SLC2A11: variants seen among roughly 807,000 people sequenced by gnomAD.
SLC2A11 encodes the protein solute carrier family 2 member 11.
In SLC2A11, 43 loss-of-function variants were observed where a neutral mutation model predicts 52.1. The observed-to-expected ratio is 0.82, with a 90% CI of 0.65 to 1.06. The LOEUF (loss-of-function observed/expected upper bound fraction) is 1.06. Among genes scored for constraint, SLC2A11 ranks in the 50% least tolerant of loss-of-function variants. SLC2A11 has a pLI of 0.00. For missense variants in SLC2A11, 582 were observed against 654.2 expected, an observed-to-expected ratio of 0.89 and a Z score of 1.20; for synonymous variants, 261 against 277.6, an observed-to-expected ratio of 0.94 and a Z score of 0.59.
At position 23,857,884 on chromosome 22, in the gene SLC2A11, C is replaced by G; in HGVS notation, c.-116C>G. The G allele has an allele frequency of 6.4e-7, 1 of 1,555,172 alleles. No individual in the cohort carries two copies. ...GCGCGTGCGCTAGCGCCTCTTTCAC[C>G]ACTGGGCGCTGCGCGCTGCCCTTCC... On this transcript the variant is annotated 5_prime_UTR_variant, in exon 1 of 12. Coordinates refer to ENST00000316185, the MANE Select transcript of SLC2A11 (RefSeq NM_001024939.4).
intron 6 of SLC2A11, chr22:23,881,235 T>G (rs2032784794): frequency 6.6e-6 from 1 of 152,224 alleles, no homozygotes; most frequent in Non-Finnish European, 1.5e-5. Context: ...TGGTCATTCC[T>G]GCAACTGCAG....
chr22:23,874,956 G>T, intron 3 of SLC2A11, 161 bp from the exon 4 acceptor site: 1 of 708,680 alleles, frequency 1.4e-6, no homozygotes. Flanking sequence ...CATCTCATTT[G>T]ACAGCAAGGA....
At chr22:23,863,608 G>GTTTTTTT (rs71184923) in intron 2 of SLC2A11, among the ~76,000 whole-genome samples, 3 of 86,784 alleles carry the variant, frequency 3.5e-5, no homozygotes, top group African/African-American at 9.1e-5. Context: ...TCTCTCTCTG[G>GTTTTTTT]TTTTTTTTTT....
chr22:23,875,381 A>G (rs572583215), intron 4 of SLC2A11, 140 bp downstream of exon 4: 16 of 1,042,932 alleles, frequency 1.5e-5, no homozygotes, highest in Non-Finnish European at 1.9e-5. Flanking sequence ...CTTTGTCACA[A>G]AAGGATGTAG....
intron 2 of SLC2A11, among the ~76,000 whole-genome samples, chr22:23,862,811 C>T (rs1190404536): frequency 2.6e-5 from 4 of 152,006 alleles, no homozygotes; most frequent in Admixed American, 6.6e-5. Context: ...TTAGTAGAGA[C>T]GGGGTTTCTC....
At chr22:23,879,119 C>G (rs982137777) in intron 6 of SLC2A11, among the ~76,000 whole-genome samples, 7 of 152,232 alleles carry the variant, frequency 4.6e-5, no homozygotes, top group African/African-American at 1.7e-4. Flanking sequence ...GAAGGGCACC[C>G]CAGGCCATGG....
chr22:23,857,524 G>A, upstream of SLC2A11: 2 of 1,613,280 alleles, frequency 1.2e-6, no homozygotes, highest in Non-Finnish European at 1.7e-6. Context: ...TTACGGCCTC[G>A]GACGCAGGTG....
chr22:23,877,666 G>GT, intron 5 of SLC2A11, 55 bp from the exon 6 acceptor site: 1 of 1,512,220 alleles, frequency 6.6e-7, no homozygotes, highest in Non-Finnish European at 8.9e-7. Context: ...GGAGAGCAGG[G>GT]TGGTAGGACT....
chr22:23,863,325 C>T (rs1361541081), intron 2 of SLC2A11, among the ~76,000 whole-genome samples: 1 of 152,206 alleles, frequency 6.6e-6, no homozygotes, highest in Non-Finnish European at 1.5e-5. Context: ...CTCCTCTCTC[C>T]TGCTGGTTTG....
chr22:23,862,335 C>T, intron 2 of SLC2A11, 133 bp downstream of exon 2: 1 of 760,498 alleles, frequency 1.3e-6, no homozygotes, highest in East Asian at 2.5e-5. Flanking sequence ...TTGGGTTGGC[C>T]CACAGGTTCC....
At chr22:23,870,670 A>G (rs1045041676) in intron 3 of SLC2A11, 10 of 149,544 alleles carry the variant, frequency 6.7e-5, no homozygotes, top group African/African-American at 2.5e-4. Flanking sequence ...TTCTGGGCTA[A>G]TTTTATTTTA....
chr22:23,857,330 G>A (rs972419739), upstream of SLC2A11: 2 of 1,224,880 alleles, frequency 1.6e-6, no homozygotes, highest in Non-Finnish European at 2.3e-6. Context: ...TTGGGAGCGC[G>A]GCGACCAGAG....
intron 2 of SLC2A11, chr22:23,867,769 G>T (rs1323462177): frequency 1.3e-5 from 6 of 470,262 alleles, no homozygotes; most frequent in Non-Finnish European, 8.8e-6. Flanking sequence ...AACACATTGA[G>T]GTGCTGGGAA....
intron 4 of SLC2A11, among the ~76,000 whole-genome samples, chr22:23,876,702 AC>A (rs141794017): frequency 0.036 from 5,358 of 150,328 alleles, 312 homozygotes; most frequent in African/African-American, 0.12. Flanking sequence ...TCCTCCTCCC[AC>A]CCCCCCGCAC....
rs556748396 is a variant in SLC2A11, at chr22:23,885,745, A to C, written c.*896A>C. On this transcript the variant is annotated 3_prime_UTR_variant, in exon 12 of 12. Coordinates refer to ENST00000316185, the MANE Select transcript of SLC2A11 (RefSeq NM_001024939.4). ...CAGGTTGTAGTGGGTATGGGTATGC[A>C]TACCAGGAGGCCCGACCTCGTCTGA... 2 of 152,280 alleles carry C rather than the reference A, an allele frequency of 1.3e-5. No individual in the cohort carries two copies. Among genetic ancestry groups the C allele is most frequent in the African/African-American group, 4.8e-5 (2 of 41,546 alleles). 9.4% of individuals were successfully genotyped at this position (152,280 alleles called of 1,614,324 possible). A position where few individuals can be genotyped will look rare whatever the true frequency, so the allele number is the denominator to read the frequency against.
chr22:23,870,104 C>G (rs2032401762), intron 3 of SLC2A11: 1 of 714,066 alleles, frequency 1.4e-6, no homozygotes, highest in South Asian at 1.5e-5. Flanking sequence ...ACTGGATCAG[C>G]AAGACTGGAT....
intron 1 of SLC2A11, among the ~76,000 whole-genome samples, chr22:23,860,938 C>T (rs1366141748): frequency 2.6e-5 from 4 of 151,512 alleles, no homozygotes; most frequent in African/African-American, 4.8e-5. Context: ...CTCCGCCTCC[C>T]GGGTTCACAC....
Position 23,884,198 on chromosome 22 carries a change from T to C in SLC2A11, c.1172-104T>C. On this transcript the variant is annotated intron_variant, in intron 10 of 11. Transcript: ENST00000316185. The surrounding 1 kb of genome is among the most constrained non-coding windows in gnomAD (Gnocchi z 4.3). ...GAGGAGAGCACTGAGGGGCCCCCCA[T>C]ACAGACTGGGCCTGGGCTCCCACTC... is the stretch of plus-strand genomic sequence containing the variant. The C allele has an allele frequency of 6.7e-7, 1 of 1,502,584 alleles. No homozygotes were observed. Among genetic ancestry groups the C allele is most frequent in the Non-Finnish European group, 8.9e-7 (1 of 1,126,640 alleles). The allele number at this position is 1,502,584 out of a possible 1,614,324, so 93.1% of individuals were successfully genotyped here.
chr22:23,857,262 C>T (rs953158756), upstream of SLC2A11: 1 of 754,372 alleles, frequency 1.3e-6, no homozygotes, highest in Admixed American at 2.3e-5. Context: ...ACATTTAGTC[C>T]AGAGACTGTA....
Sources: gnomAD v4.1 joint callset for allele counts (sites outside exome capture counted in the v4.1 genomes callset) on GRCh38, gnomAD v4.1.1 for gene constraint, Gnocchi (gnomAD v3.1) non-coding constraint, MANE v1.5 for transcripts, NCBI Gene and HGNC (gene_info 2026-07-23, HGNC 2026-07-21) for gene names.